The following PPP1CB variants were observed in gnomAD, a reference collection of about 807,000 sequenced individuals.
The protein encoded by PPP1CB is serine/threonine-protein phosphatase PP1-beta catalytic subunit.
Under a neutral mutation model 43.7 loss-of-function variants are expected in PPP1CB, and 2 were observed. The ratio of observed to expected loss-of-function variants is 0.05; its 90% CI spans 0.02 to 0.14. The LOEUF (loss-of-function observed/expected upper bound fraction) is 0.14, where lower values mean the gene tolerates loss of function less well. PPP1CB is among the 10% of genes least tolerant of loss of function. The pLI is 1.00. For missense variants in PPP1CB, 84 were observed against 398.0 expected, an observed-to-expected ratio of 0.21 and a Z score of 6.71; for synonymous variants, 136 against 135.6, an observed-to-expected ratio of 1.00 and a Z score of -0.02.
Position 28,799,224 on chromosome 2 carries a change from C to CTATTTA in PPP1CB, c.907_908insTTTATA (p.Ala302_Lys303insIleTyr). ...ATATTGAAACCATCTGAAAAGAAAG[C>CTATTTA]TAAATACCAGTATGGTGGACTGAAT... is the stretch of plus-strand genomic sequence containing the variant. On this transcript the variant is annotated inframe_insertion, in exon 8 of 8. Transcript: ENST00000395366. 6.2e-7 allele frequency: 1 copy of CTATTTA among 1,603,544 alleles called. No homozygotes were observed. The highest frequency in any genetic ancestry group is 8.5e-7 in the Non-Finnish European group (1 of 1,171,042).
At chr2:28,789,593 ATTTTTTTT>A (rs70956041) in intron 6 of PPP1CB, among the ~76,000 whole-genome samples, 2 of 96,542 alleles carry the variant, frequency 2.1e-5, no homozygotes, top group Admixed American at 1.2e-4. Context: ...TATGATTTAG[ATTTTTTTT>A]TTTTTTTTTT....
rs1019817141 is a variant in PPP1CB at position 28,802,074 on chromosome 2, CAAG to C, written c.*2777_*2779del. On this transcript the variant is annotated 3_prime_UTR_variant, in exon 8 of 8. Coordinates refer to ENST00000395366, the MANE Select transcript of PPP1CB (RefSeq NM_002709.3). ...ATTTTTTTTAGCTGAAAAATGCTGG[CAAG>C]AAGAATTTTAAAGCTTAAAATAGGT... 11 of 151,892 alleles carry C rather than the reference CAAG, an allele frequency of 7.2e-5. No homozygotes were observed. Among genetic ancestry groups the C allele is most frequent in the African/African-American group, 2.7e-4 (11 of 41,346 alleles). The allele number at this position is 151,892 out of a possible 1,614,324, so 9.4% of individuals were successfully genotyped here.
intron 1 of PPP1CB, among the ~76,000 whole-genome samples, chr2:28,754,989 AT>A (rs1666450578): frequency 6.6e-6 from 1 of 152,114 alleles, no homozygotes; most frequent in African/African-American, 2.4e-5. Flanking sequence ...TGGTGACTAC[AT>A]TTTATGAGTT....
chr2:28,761,483 C>T (rs993841351), intron 1 of PPP1CB, among the ~76,000 whole-genome samples: 43 of 152,190 alleles, frequency 2.8e-4, no homozygotes, highest in African/African-American at 9.2e-4. Flanking sequence ...TCAAACAATT[C>T]TTGACACATT....
At chr2:28,769,919 A>G (rs1226937043) in intron 1 of PPP1CB, among the ~76,000 whole-genome samples, 1 of 152,212 alleles carries the variant, frequency 6.6e-6, no homozygotes, top group African/African-American at 2.4e-5. Flanking sequence ...AACAGAACAG[A>G]TGACAGAATG....
chr2:28,759,201 C>T (rs905054246), intron 1 of PPP1CB, among the ~76,000 whole-genome samples: 2 of 152,118 alleles, frequency 1.3e-5, no homozygotes, highest in Non-Finnish European at 2.9e-5. Flanking sequence ...TGGTGTAAAC[C>T]TATTGCACTG....
In PPP1CB at chr2:28,751,901, C is replaced by T. The variant is rs989544736; in HGVS notation, c.-224C>T. The T allele has an allele frequency of 1.7e-5, 10 of 601,556 alleles. No individual in the cohort carries two copies. The highest frequency in any genetic ancestry group is 2.7e-5 in the Non-Finnish European group (9 of 334,874). 37.3% of individuals were successfully genotyped at this position (601,556 alleles called of 1,614,324 possible). ...GACGCGGCCCTGTTCGAGGGGGCCT[C>T]TCTTGTTTATTTATTTATTTTCCGT... On this transcript the variant is annotated 5_prime_UTR_variant, in exon 1 of 8. Coordinates refer to ENST00000395366, the MANE Select transcript of PPP1CB (RefSeq NM_002709.3).
intron 1 of PPP1CB, among the ~76,000 whole-genome samples, chr2:28,761,525 C>T (rs1666649845): frequency 6.6e-6 from 1 of 152,190 alleles, no homozygotes; most frequent in Non-Finnish European, 1.5e-5. Flanking sequence ...GTCATTATTG[C>T]TTAGTACAAA....
chr2:28,788,487 G>A lies in PPP1CB; in HGVS notation c.593-171G>A, dbSNP rs1384527111. The stretch of plus-strand genomic sequence containing the variant: ...AGATTATATTTGTATGGTTTGTATG[G>A]TTGCTTTAACAAAAGTATAAGTTAC... On this transcript the variant is annotated intron_variant, in intron 5 of 7. Transcript: ENST00000395366. Among the ~76,000 whole-genome samples the A allele has an allele frequency of 5.3e-5, 8 of 152,192 alleles. No individual in the cohort carries two copies. The East Asian group carries it at 1.5e-3, about 29-fold the overall frequency.
At chr2:28,768,532 T>C (rs1315882373) in intron 1 of PPP1CB, among the ~76,000 whole-genome samples, 1 of 152,128 alleles carries the variant, frequency 6.6e-6, no homozygotes, top group Non-Finnish European at 1.5e-5. Flanking sequence ...AAAATGGAAG[T>C]TCAAATCCTG....
At position 28,781,965 on chromosome 2, in the gene PPP1CB, CTG is replaced by C. The variant is rs776465565; in HGVS notation, c.520+125_520+126del. The C allele has an allele frequency of 1.4e-5, 10 of 719,046 alleles. No homozygotes were observed. The African/African-American group carries it at 1.4e-4, about 10-fold the overall frequency. The allele number at this position is 719,046 out of a possible 1,614,324, so 44.5% of individuals were successfully genotyped here. ...TGTATGAAAACTCAAGTGATTAAAA[CTG>C]TTTTAAACATGGCTAAACCTCTTTT... On this transcript the variant is annotated intron_variant, in intron 4 of 7. Coordinates refer to ENST00000395366, the MANE Select transcript of PPP1CB (RefSeq NM_002709.3).
chr2:28,751,852 A>C lies in PPP1CB; in HGVS notation c.-273A>C. Reference sequence around the variant, plus strand: ...TTTGCGGAGCTGGGCGGTGCCGAGGAGGAGGAGGTGGCGGCCTGGGTCTGA... The same window carrying C: ...TTTGCGGAGCTGGGCGGTGCCGAGGCGGAGGAGGTGGCGGCCTGGGTCTGA... On this transcript the variant is annotated 5_prime_UTR_variant, in exon 1 of 8. Coordinates refer to ENST00000395366, the MANE Select transcript of PPP1CB (RefSeq NM_002709.3). 10 of 514,652 alleles carry C rather than the reference A, an allele frequency of 1.9e-5. No homozygotes were observed. Among genetic ancestry groups the C allele is most frequent in the East Asian group, 3.9e-5 (1 of 25,832 alleles). 31.9% of individuals were successfully genotyped at this position (514,652 alleles called of 1,614,324 possible).
At chr2:28,780,191 C>T (rs555729584) in intron 3 of PPP1CB, among the ~76,000 whole-genome samples, 4 of 149,290 alleles carry the variant, frequency 2.7e-5, no homozygotes, top group East Asian at 2.0e-4. Context: ...CGGGTTCAAG[C>T]GATTCTCCTG....
intron 3 of PPP1CB, among the ~76,000 whole-genome samples, chr2:28,781,434 G>A (rs1238824580): frequency 6.6e-6 from 1 of 152,064 alleles, no homozygotes; most frequent in Non-Finnish European, 1.5e-5. Context: ...TCGATCTTCT[G>A]TATTTATTCC....
At chr2:28,770,636 A>G (rs1666886853) in intron 1 of PPP1CB, among the ~76,000 whole-genome samples, 1 of 152,220 alleles carries the variant, frequency 6.6e-6, no homozygotes, top group Non-Finnish European at 1.5e-5. Flanking sequence ...AGACAAAACC[A>G]CAACCATAGA....
chr2:28,758,939 C>CT (rs1666553036), intron 1 of PPP1CB, among the ~76,000 whole-genome samples: 1 of 152,170 alleles, frequency 6.6e-6, no homozygotes, highest in African/African-American at 2.4e-5. Flanking sequence ...GAATTTTATT[C>CT]TAAGAATGTT....
chr2:28,787,678 A>G (rs1007856645), intron 5 of PPP1CB, among the ~76,000 whole-genome samples: 1 of 152,130 alleles, frequency 6.6e-6, no homozygotes, highest in African/African-American at 2.4e-5. Context: ...CACATTTCCT[A>G]CTTTAGGACG....
chr2:28,777,017 T>C (rs1450993332), intron 2 of PPP1CB, 35 bp downstream of exon 2: 1 of 1,593,176 alleles, frequency 6.3e-7, no homozygotes, highest in Non-Finnish European at 8.6e-7. Flanking sequence ...ACAACTCTTT[T>C]GAATCATGTT....
At chr2:28,780,035 TGCTTAA>T (rs2148050723) in intron 3 of PPP1CB, among the ~76,000 whole-genome samples, 1 of 152,270 alleles carries the variant, frequency 6.6e-6, no homozygotes, top group African/African-American at 2.4e-5. Context: ...AGGCTTCCAA[TGCTTAA>T]TGAAAATAGC....
Sources: allele counts gnomAD v4.1 joint callset (sites outside exome capture counted in the v4.1 genomes callset), GRCh38; gene constraint gnomAD v4.1.1; transcripts MANE v1.5; gene names NCBI Gene and HGNC (gene_info 2026-07-23, HGNC 2026-07-21).